GIGYF2: variants seen among roughly 807,000 people sequenced by gnomAD.
GIGYF2 encodes GRB10-interacting GYF protein 2.
In GIGYF2, 25 loss-of-function variants were observed where a neutral mutation model predicts 208.1. That is an observed-to-expected ratio of 0.12 (90% CI 0.09 to 0.17). The LOEUF (loss-of-function observed/expected upper bound fraction) is 0.17, where lower values mean the gene tolerates loss of function less well. Ranked by LOEUF, GIGYF2 falls within the 10% of genes least tolerant of loss-of-function variation. The probability of loss-of-function intolerance (pLI) is 1.00; values close to 1 mark genes in which losing one functional copy is unlikely to be tolerated. For synonymous variants in GIGYF2, 534 were observed against 543.8 expected, an observed-to-expected ratio of 0.98 and a Z score of 0.25; for missense variants, 1,302 against 1,579.4, an observed-to-expected ratio of 0.82 and a Z score of 2.98.
chr2:232,787,633 C>A (rs1699955960), intron 9 of GIGYF2, among the ~76,000 whole-genome samples: 1 of 152,138 alleles, frequency 6.6e-6, no homozygotes, highest in African/African-American at 2.4e-5. Context: ...ATCTCTGAAT[C>A]TTTTTTAGCA....
At chr2:232,701,272 A>G (rs1574756695) in intron 1 of GIGYF2, among the ~76,000 whole-genome samples, 2 of 151,804 alleles carry the variant, frequency 1.3e-5, no homozygotes, top group Non-Finnish European at 2.9e-5. Context: ...AATTATTATT[A>G]TTATTTGAGA....
In GIGYF2 at chr2:232,747,618, C is replaced by T. The variant is rs373021019; in HGVS notation, c.45C>T (p.Leu15=). 1.9e-6 allele frequency: 3 copies of T among 1,613,898 alleles called. No homozygotes were observed. Among genetic ancestry groups the T allele is most frequent in the African/African-American group, 2.7e-5 (2 of 74,916 alleles). ...TTCTCTGTCTTTTCTATTCTAGGCT[C>T]CGAGCTCTGTCCAGTGGTGGGAGTA... ...TQTLNFGPEW[L]RALSSGGSIT... is the part of the protein sequence containing the mutation. Residue 15 remains leucine (L), a synonymous_variant, in exon 4 of 29, where the codon CTC becomes CTT. Coordinates refer to ENST00000373563, the MANE Select transcript of GIGYF2 (RefSeq NM_001103146.3).
In GIGYF2 at chr2:232,845,715, C is replaced by T; in HGVS notation, c.3306-17C>T. The T allele has an allele frequency of 6.3e-7, 1 of 1,575,500 alleles. No individual in the cohort carries two copies. The highest frequency in any genetic ancestry group is 8.7e-7 in the Non-Finnish European group (1 of 1,144,994). ...CAGTTTCTGGGAATATAATATCACC[C>T]TATTGTTTTGCTTTAGTAAATCTGT... On this transcript the variant is annotated splice_polypyrimidine_tract_variant and intron_variant, in intron 25 of 28. Transcript: ENST00000373563.
chr2:232,794,017 C>T (rs1054375990), intron 12 of GIGYF2, among the ~76,000 whole-genome samples: 15 of 152,116 alleles, frequency 9.9e-5, no homozygotes, highest in Non-Finnish European at 2.9e-5. Context: ...TATAGACTAT[C>T]CTTTTAAAAA....
chr2:232,716,492 C>T (rs1047620162), intron 2 of GIGYF2, among the ~76,000 whole-genome samples: 2 of 150,414 alleles, frequency 1.3e-5, no homozygotes, highest in Non-Finnish European at 2.9e-5. Context: ...AATCCTCATG[C>T]CTCAGTCATC....
At position 232,847,277 on chromosome 2, in the gene GIGYF2, G is replaced by A. The variant is rs12328140; in HGVS notation, c.3461-71G>A. Reference sequence around the variant, plus strand: ...TAGGTATAAAGATACATTAAAAATGGAAACTGATTTTTGTAAGTTCTCTTT... The same window carrying A: ...TAGGTATAAAGATACATTAAAAATGAAAACTGATTTTTGTAAGTTCTCTTT... On this transcript the variant is annotated intron_variant, in intron 26 of 28. Coordinates refer to ENST00000373563, the MANE Select transcript of GIGYF2 (RefSeq NM_001103146.3). The A allele has an allele frequency of 0.19, 286,444 of 1,507,544 alleles. 29,638 individuals carry two copies. The highest frequency in any genetic ancestry group is 0.21 in the Middle Eastern group (898 of 4,302). 93.4% of individuals were successfully genotyped at this position (1,507,544 alleles called of 1,614,324 possible).
At chr2:232,725,038 T>G (rs991786528) in intron 2 of GIGYF2, among the ~76,000 whole-genome samples, 1 of 152,236 alleles carries the variant, frequency 6.6e-6, no homozygotes, top group Non-Finnish European at 1.5e-5. Flanking sequence ...AATATAATCA[T>G]ATTCTCTGTA....
At chr2:232,848,067 T>A (rs987426074) in intron 27 of GIGYF2, among the ~76,000 whole-genome samples, 1 of 152,240 alleles carries the variant, frequency 6.6e-6, no homozygotes, top group Non-Finnish European at 1.5e-5. Context: ...TACTGAACCA[T>A]TGCTCCTAGG....
At chr2:232,763,431 T>G (rs191809943) in intron 8 of GIGYF2, among the ~76,000 whole-genome samples, 1 of 152,286 alleles carries the variant, frequency 6.6e-6, no homozygotes, top group East Asian at 1.9e-4. Context: ...TCTATACATA[T>G]ATATCTATGA....
intron 2 of GIGYF2, chr2:232,734,553 T>C (rs183164893): frequency 6.6e-6 from 1 of 152,340 alleles, no homozygotes; most frequent in African/African-American, 2.4e-5. Context: ...AGCAGTAGGC[T>C]CGAGAGGCTG....
In GIGYF2 at chr2:232,747,256, T is replaced by C. The variant is rs191912373; in HGVS notation, c.42-359T>C. On this transcript the variant is annotated intron_variant, in intron 3 of 28. Coordinates refer to ENST00000373563, the MANE Select transcript of GIGYF2 (RefSeq NM_001103146.3). ...CCAACACCTGGTATTATCAGACTTA[T>C]TAAGTTTTATGAATCTAGTGAGTGT... 2.9e-3 allele frequency among the ~76,000 whole-genome samples: 437 copies of C among 152,330 alleles called. 1 individual carries two copies. Among genetic ancestry groups the C allele is most frequent in the African/African-American group, 9.4e-3 (390 of 41,580 alleles).
intron 3 of GIGYF2, among the ~76,000 whole-genome samples, chr2:232,743,379 AAG>A (rs970115954): frequency 6.6e-5 from 10 of 152,230 alleles, no homozygotes; most frequent in African/African-American, 2.2e-4. Context: ...AAATTTCTAG[AAG>A]AGAGGGTTGT....
intron 6 of GIGYF2, among the ~76,000 whole-genome samples, chr2:232,757,132 G>A (rs1698580084): frequency 6.6e-6 from 1 of 152,134 alleles, no homozygotes; most frequent in Non-Finnish European, 1.5e-5. Context: ...GCATGATCAT[G>A]AGTATAGAGT....
chr2:232,799,114 G>A (rs1038589040), intron 14 of GIGYF2, among the ~76,000 whole-genome samples: 2 of 152,018 alleles, frequency 1.3e-5, no homozygotes, highest in African/African-American at 4.8e-5. Flanking sequence ...GTTTGTTCAT[G>A]TTGTAGCATG....
chr2:232,836,258 CTCTACATATATATATATA>C (rs1424081711), intron 22 of GIGYF2, among the ~76,000 whole-genome samples: 2 of 96,942 alleles, frequency 2.1e-5, no homozygotes, highest in African/African-American at 9.1e-5. Flanking sequence ...GAAACCCCAT[CTCTACATATATATATATA>C]TATATATATA....
intron 8 of GIGYF2, among the ~76,000 whole-genome samples, chr2:232,774,262 GTTTCA>G (rs1320627831): frequency 6.6e-6 from 1 of 152,132 alleles, no homozygotes; most frequent in Non-Finnish European, 1.5e-5. Flanking sequence ...GAATAATACA[GTTTCA>G]TTTGATTAGT....
chr2:232,768,155 C>T (rs1454996408), intron 8 of GIGYF2: 2 of 1,606,914 alleles, frequency 1.2e-6, no homozygotes, highest in Non-Finnish European at 1.7e-6. Context: ...GCATAACTGG[C>T]TGGGTGTATT....
At chr2:232,841,065 T>C (rs1200626231) in intron 23 of GIGYF2, among the ~76,000 whole-genome samples, 1 of 150,584 alleles carries the variant, frequency 6.6e-6, no homozygotes, top group Non-Finnish European at 1.5e-5. Flanking sequence ...TTCCCACCTT[T>C]ATTTAAGAAA....
intron 22 of GIGYF2, among the ~76,000 whole-genome samples, chr2:232,836,430 G>A (rs1441926525): frequency 1.3e-5 from 1 of 77,436 alleles, no homozygotes; most frequent in African/African-American, 5.4e-5. Context: ...TTCAGGCGTG[G>A]TGATGTGTGC....
Sources: gnomAD v4.1 joint callset for allele counts (sites outside exome capture counted in the v4.1 genomes callset) on GRCh38, gnomAD v4.1.1 for gene constraint, MANE v1.5 for transcripts, NCBI Gene and HGNC (gene_info 2026-07-23, HGNC 2026-07-21) for gene names.